Variants in DOCK8 observed in about 807,000 individuals in gnomAD.
DOCK8 encodes the protein dedicator of cytokinesis 8, also known as dedicator of cytokinesis protein 8.
A neutral mutation model predicts 245.6 loss-of-function variants in DOCK8; 141 were observed. The ratio of observed to expected loss-of-function variants is 0.57; its 90% CI spans 0.50 to 0.66. The LOEUF (loss-of-function observed/expected upper bound fraction) is 0.66. DOCK8 is among the 30% of genes least tolerant of loss of function. The pLI is 0.00. For missense variants in DOCK8, 2,965 were observed against 2,603.4 expected, an observed-to-expected ratio of 1.14 and a Z score of -3.02; for synonymous variants, 1,168 against 970.2, an observed-to-expected ratio of 1.20 and a Z score of -3.79.
chr9:376,102 C>T, intron 18 of DOCK8, 108 bp from the exon 19 acceptor site: 4 of 834,600 alleles, frequency 4.8e-6, no homozygotes, highest in Middle Eastern at 2.3e-4. Context: ...CAAGAGAGTT[C>T]TGTATTTGTA....
At chr9:449,089 G>T (rs1266536975) in intron 44 of DOCK8, among the ~76,000 whole-genome samples, 1 of 152,204 alleles carries the variant, frequency 6.6e-6, no homozygotes, top group African/African-American at 2.4e-5. Context: ...GGTGGCTCTT[G>T]CCTGTAATCC....
Position 421,039 on chromosome 9 carries a change from G to A in DOCK8, c.4114G>A (p.Glu1372Lys). The change falls in exon 32 of 48, where the codon GAA (glutamate) becomes AAA (lysine). Residue 1372 changes from glutamate to lysine, a missense_variant. Glu to Lys is a moderately conservative substitution (Grantham distance 56). This residue lies in a region of DOCK8 where 2,825 missense variants were observed against 2,453.5 expected (regional missense o/e 1.15). Transcript: ENST00000432829. ...ARLEEALLRG[E>K]GARGEMMRRR... ...GCTGGAAGAGGCTTTGCTCCGTGGG[G>A]AAGGGGCCAGAGGGGAGATGATGCG... The A allele has an allele frequency of 6.2e-7, 1 of 1,614,226 alleles. No individual in the cohort carries two copies. The highest frequency in any genetic ancestry group is 8.5e-7 in the Non-Finnish European group (1 of 1,180,034).
At chr9:228,106 C>T (rs2131362874) in intron 1 of DOCK8, among the ~76,000 whole-genome samples, 1 of 152,140 alleles carries the variant, frequency 6.6e-6, no homozygotes, top group East Asian at 1.9e-4. Flanking sequence ...TGGTGGAGGC[C>T]ACTCCTTTAA....
chr9:230,862 T>A (rs2047099682), intron 1 of DOCK8, among the ~76,000 whole-genome samples: 2 of 152,172 alleles, frequency 1.3e-5, no homozygotes, highest in Non-Finnish European at 2.9e-5. Context: ...GCCTGTTCAC[T>A]CTGATGGTAG....
At chr9:354,901 AT>A (rs2052350227) in intron 14 of DOCK8, among the ~76,000 whole-genome samples, 1 of 152,188 alleles carries the variant, frequency 6.6e-6, no homozygotes, top group African/African-American at 2.4e-5. Flanking sequence ...CTTTTGTCCT[AT>A]TTTGACAAAC....
intron 38 of DOCK8, 151 bp downstream of exon 38, chr9:434,126 G>C (rs1218452432): frequency 1.2e-5 from 8 of 653,118 alleles, no homozygotes; most frequent in Non-Finnish European, 2.2e-5. Context: ...ATTCAGAGTA[G>C]GTTAATTCAT....
intron 1 of DOCK8, among the ~76,000 whole-genome samples, chr9:268,772 T>A (rs1329881871): frequency 6.6e-6 from 1 of 152,238 alleles, no homozygotes. Context: ...CCTCCATGGC[T>A]TATGATCCTC....
chr9:304,859 T>C (rs1223327419), intron 5 of DOCK8, among the ~76,000 whole-genome samples, 155 bp downstream of exon 5: 1 of 152,162 alleles, frequency 6.6e-6, no homozygotes, highest in Non-Finnish European at 1.5e-5. Context: ...TTTTCAAACT[T>C]ATTTGTAGCT....
chr9:322,755 A>T (rs905584946), intron 7 of DOCK8, among the ~76,000 whole-genome samples: 1 of 152,214 alleles, frequency 6.6e-6, no homozygotes, highest in Non-Finnish European at 1.5e-5. Context: ...AATTAAATAT[A>T]GATTGAGCAT....
intron 1 of DOCK8, among the ~76,000 whole-genome samples, chr9:227,047 T>C (rs2047005476): frequency 6.6e-6 from 1 of 152,212 alleles, no homozygotes; most frequent in Admixed American, 6.5e-5. Context: ...TACGCCAATA[T>C]GTCATGAGTG....
chr9:463,516 G>T lies in DOCK8; in HGVS notation c.6069-1G>T. ...CTCCCACACTGATATTTTCATCTCAGATGTGGTGAAGCTGTAGAGAAAAAC... is the reference window on the plus strand; with the variant it reads ...CTCCCACACTGATATTTTCATCTCATATGTGGTGAAGCTGTAGAGAAAAAC... On this transcript the variant is annotated splice_acceptor_variant, in intron 46 of 47. Coordinates refer to ENST00000432829, the MANE Select transcript of DOCK8 (RefSeq NM_203447.4). LOFTEE classifies it high-confidence loss of function. The T allele has an allele frequency of 6.2e-7, 1 of 1,614,112 alleles. No homozygotes were observed. The highest frequency in any genetic ancestry group is 8.5e-7 in the Non-Finnish European group (1 of 1,180,010).
chr9:275,913 T>C (rs13287349), intron 2 of DOCK8, among the ~76,000 whole-genome samples: 29,756 of 140,750 alleles, frequency 0.21, 3,287 homozygotes, highest in African/African-American at 0.31. Context: ...TTTTTTGTAA[T>C]GGAATTTCCC....
intron 17 of DOCK8, among the ~76,000 whole-genome samples, chr9:371,955 GA>G (rs1563976854): frequency 6.6e-6 from 1 of 152,068 alleles, no homozygotes; most frequent in Non-Finnish European, 1.5e-5. Flanking sequence ...ATTGGCTACA[GA>G]GAAAAATGCT....
intron 25 of DOCK8, among the ~76,000 whole-genome samples, chr9:398,839 A>C (rs968056884): frequency 2.0e-5 from 3 of 152,142 alleles, no homozygotes; most frequent in African/African-American, 7.2e-5. Context: ...CCAGGATATA[A>C]AAAAAAGTAG....
chr9:337,754 G>C (rs955919568), intron 12 of DOCK8, among the ~76,000 whole-genome samples: 6 of 152,190 alleles, frequency 3.9e-5, no homozygotes, highest in Non-Finnish European at 5.9e-5. Context: ...GGAGTCACTG[G>C]TTAAAGGGTA....
chr9:327,035 A>G (rs981054488), intron 8 of DOCK8, among the ~76,000 whole-genome samples: 2 of 152,212 alleles, frequency 1.3e-5, no homozygotes, highest in African/African-American at 4.8e-5. Context: ...ATCTTCACTA[A>G]GATTCATTCC....
chr9:416,281 C>T (rs1013355389), intron 29 of DOCK8, among the ~76,000 whole-genome samples: 6 of 152,212 alleles, frequency 3.9e-5, no homozygotes, highest in African/African-American at 1.4e-4. Context: ...AGACATAATG[C>T]AGAGCATGGC....
At chr9:452,396 G>T in intron 46 of DOCK8, 1 of 211,534 alleles carries the variant, frequency 4.7e-6, no homozygotes, top group African/African-American at 2.3e-5. Context: ...ACTATGAAAC[G>T]CTTTTGTGGC....
chr9:265,823 G>C (rs1587689332), intron 1 of DOCK8, among the ~76,000 whole-genome samples: 1 of 152,106 alleles, frequency 6.6e-6, no homozygotes, highest in Admixed American at 6.6e-5. Context: ...GTTAGAGCTG[G>C]AAAGATGCTC....
Sources: gnomAD v4.1 joint callset for allele counts (sites outside exome capture counted in the v4.1 genomes callset) on GRCh38, gnomAD v4.1.1 for gene constraint, gnomAD v4.1.1 regional missense constraint, MANE v1.5 for transcripts, NCBI Gene and HGNC (gene_info 2026-07-23, HGNC 2026-07-21) for gene names.